The following ST3GAL4 variants were observed in gnomAD, a reference collection of about 807,000 sequenced individuals.
The protein encoded by ST3GAL4 is CMP-N-acetylneuraminate-beta-galactosamide-alpha-2,3-sialyltransferase 4.
ST3GAL4 carries 24 observed loss-of-function variants against 42.6 expected under a neutral mutation model. The observed-to-expected ratio is 0.56, with a 90% CI of 0.41 to 0.79. The LOEUF (loss-of-function observed/expected upper bound fraction) is 0.79. Among genes scored for constraint, ST3GAL4 ranks in the 30% least tolerant of loss-of-function variants. The pLI is 0.00. For synonymous variants in ST3GAL4, 135 were observed against 163.2 expected (o/e 0.83, Z 1.32); for missense variants, 311 against 430.8 (o/e 0.72, Z 2.46).
chr11:126,390,620 T>A (rs1376559004), intron 1 of ST3GAL4, among the ~76,000 whole-genome samples: 2 of 42,014 alleles, frequency 4.8e-5, no homozygotes, highest in Non-Finnish European at 1.1e-4. Context: ...GTTCTTTGCT[T>A]TTTTTTTTTT....
In ST3GAL4 at chr11:126,376,179, C is replaced by T. The variant is rs188967738; in HGVS notation, c.-61+20337C>T. Reference sequence around the variant, plus strand: ...TTCTATAGTAAGTTACTCCGATTGGCTTTTGGTATTAAAATGTCTTCAGTT... The same window carrying T: ...TTCTATAGTAAGTTACTCCGATTGGTTTTTGGTATTAAAATGTCTTCAGTT... On this transcript the variant is annotated intron_variant, in intron 1 of 10. Transcript: ENST00000444328. This position sits in a 1 kb window ranked among gnomAD's most constrained non-coding sequence, Gnocchi z 5.1. 6.6e-6 allele frequency among the ~76,000 whole-genome samples: 1 copy of T among 152,084 alleles called. No homozygotes were observed. Among genetic ancestry groups the T allele is most frequent in the Admixed American group, 6.6e-5 (1 of 15,264 alleles).
At chr11:126,364,539 G>C (rs1035820130) in intron 1 of ST3GAL4, among the ~76,000 whole-genome samples, 3 of 143,336 alleles carry the variant, frequency 2.1e-5, no homozygotes, top group African/African-American at 7.9e-5. Flanking sequence ...ACCTGTCTGG[G>C]GTGAGGTGAG....
At chr11:126,408,609 C>A in intron 8 of ST3GAL4, 113 bp downstream of exon 8, 1 of 1,302,332 alleles carries the variant, frequency 7.7e-7, no homozygotes, top group Non-Finnish European at 1.1e-6. Context: ...TGTGAGGGGA[C>A]AGCATGAACC....
chr11:126,382,881 G>A (rs1348702532), intron 1 of ST3GAL4, among the ~76,000 whole-genome samples: 1 of 152,260 alleles, frequency 6.6e-6, no homozygotes, highest in African/African-American at 2.4e-5. Flanking sequence ...TAAAGCCTCA[G>A]GGCTTGAGCC....
chr11:126,367,591 C>G (rs941596842), intron 1 of ST3GAL4, among the ~76,000 whole-genome samples: 2 of 152,186 alleles, frequency 1.3e-5, no homozygotes, highest in African/African-American at 2.4e-5. Flanking sequence ...CGTTACAAAC[C>G]AGGATGTGTT....
rs1027581539 is a variant in ST3GAL4, at chr11:126,397,399, T to A, written c.-60-8697T>A. ...AAAATGTCTCCAATCTCAGAGGTCA[T>A]GGGATAGTGGGCAAGACATGAAAAC... On this transcript the variant is annotated intron_variant, in intron 1 of 10. Transcript: ENST00000444328. The surrounding 1 kb of genome is among the most constrained non-coding windows in gnomAD (Gnocchi z 5.0). Among the ~76,000 whole-genome samples, 1 of 152,088 alleles carries A rather than the reference T, an allele frequency of 6.6e-6. No homozygotes were observed. The highest frequency in any genetic ancestry group is 2.4e-5 in the African/African-American group (1 of 41,340).
chr11:126,384,261 TGA>T lies in ST3GAL4; in HGVS notation c.-60-21833_-60-21832del, dbSNP rs1953129470. On this transcript the variant is annotated intron_variant, in intron 1 of 10. Transcript: ENST00000444328. This position sits in a 1 kb window ranked among gnomAD's most constrained non-coding sequence, Gnocchi z 5.5. ...AGGTGGGAGTACAAGGTCTGCCGAG[TGA>T]GGCAGAGGAAAGGGGTTTCTGAGCC... Among the ~76,000 whole-genome samples the T allele has an allele frequency of 6.6e-6, 1 of 152,064 alleles. No individual in the cohort carries two copies. The highest frequency in any genetic ancestry group is 1.5e-5 in the Non-Finnish European group (1 of 68,018).
In ST3GAL4 at chr11:126,391,967, GTGTGTA is replaced by G. The variant is rs59748700; in HGVS notation, c.-60-14123_-60-14118del. 0.012 allele frequency among the ~76,000 whole-genome samples: 1,840 copies of G among 149,932 alleles called. 21 individuals are homozygous for G. The highest frequency in any genetic ancestry group is 0.038 in the Middle Eastern group (11 of 290). ...TGTGTGTGTGTGTGTGTGTGTGTGT[GTGTGTA>G]TGTGTGTGTATGTGTATATATAAAA... On this transcript the variant is annotated intron_variant, in intron 1 of 10. Transcript: ENST00000444328. This position sits in a 1 kb window ranked among gnomAD's most constrained non-coding sequence, Gnocchi z 5.5.
chr11:126,364,026 T>G (rs1452424666), intron 1 of ST3GAL4, among the ~76,000 whole-genome samples: 5 of 152,208 alleles, frequency 3.3e-5, no homozygotes, highest in African/African-American at 9.6e-5. Flanking sequence ...CCCTGACCAC[T>G]CATTCAGCTG....
At position 126,384,795 on chromosome 11, in the gene ST3GAL4, C is replaced by G. The variant is rs1236073137; in HGVS notation, c.-60-21301C>G. 3.0e-6 allele frequency: 3 copies of G among 985,420 alleles called. No homozygotes were observed. Among genetic ancestry groups the G allele is most frequent in the Non-Finnish European group, 3.6e-6 (3 of 829,930 alleles). 61.0% of individuals were successfully genotyped at this position (985,420 alleles called of 1,614,324 possible). A position where few individuals can be genotyped will look rare whatever the true frequency, so the allele number is the denominator to read the frequency against. On this transcript the variant is annotated intron_variant, in intron 1 of 10. Transcript: ENST00000444328. This position sits in a 1 kb window ranked among gnomAD's most constrained non-coding sequence, Gnocchi z 5.5. ...GGACAGAGTGGGAGTGGCAGTGCCT[C>G]TGCCTGTCTCCCTGGCCGTGGCAGG... is the stretch of plus-strand genomic sequence containing the variant.
At chr11:126,368,914 A>G (rs1174167427) in intron 1 of ST3GAL4, among the ~76,000 whole-genome samples, 3 of 152,064 alleles carry the variant, frequency 2.0e-5, no homozygotes, top group Admixed American at 6.5e-5. Context: ...GAACGGTAAC[A>G]CACACACCCC....
chr11:126,374,418 TA>T (rs1451732399), intron 1 of ST3GAL4, among the ~76,000 whole-genome samples: 3 of 127,034 alleles, frequency 2.4e-5, no homozygotes, highest in African/African-American at 9.4e-5. Context: ...CACACCATTG[TA>T]CCCCAGCCTG....
At chr11:126,403,362 G>C in intron 1 of ST3GAL4, 1 of 981,780 alleles carries the variant, frequency 1.0e-6, no homozygotes, top group Non-Finnish European at 1.2e-6. Context: ...GCTCACCTCT[G>C]ACGCCAAAGG....
rs1953754058 is a variant in ST3GAL4 at position 126,396,267 on chromosome 11, AG to A, written c.-60-9827del. 6.6e-6 allele frequency among the ~76,000 whole-genome samples: 1 copy of A among 152,002 alleles called. No homozygotes were observed. Among genetic ancestry groups the A allele is most frequent in the Admixed American group, 6.6e-5 (1 of 15,262 alleles). ...ACACTGTGGAGACTGACTCCTGGACAGGCTGTGGAATGTGTGGAAGCAGGTA... is the reference window on the plus strand; with the variant it reads ...ACACTGTGGAGACTGACTCCTGGACAGCTGTGGAATGTGTGGAAGCAGGTA... On this transcript the variant is annotated intron_variant, in intron 1 of 10. Transcript: ENST00000444328. This position sits in a 1 kb window ranked among gnomAD's most constrained non-coding sequence, Gnocchi z 5.8.
At chr11:126,360,225 C>T (rs1383078048) in intron 1 of ST3GAL4, among the ~76,000 whole-genome samples, 3 of 152,188 alleles carry the variant, frequency 2.0e-5, no homozygotes, top group Non-Finnish European at 4.4e-5. Context: ...TGGGTTCCCA[C>T]TGGGTTCTGA....
chr11:126,406,702 T>G lies in ST3GAL4; in HGVS notation c.101+145T>G, dbSNP rs1954248404. ...CATCCCTTCAGCTGCTGGTACGGAG[T>G]GTTTCCATGAGGGTGGGTGGGGGTA... On this transcript the variant is annotated intron_variant, in intron 3 of 10. Transcript: ENST00000444328. The surrounding 1 kb of genome is among the most constrained non-coding windows in gnomAD (Gnocchi z 5.4). The G allele has an allele frequency of 8.8e-7, 1 of 1,141,846 alleles. No homozygotes were observed. The highest frequency in any genetic ancestry group is 1.2e-6 in the Non-Finnish European group (1 of 808,116). The allele number at this position is 1,141,846 out of a possible 1,614,324, so 70.7% of individuals were successfully genotyped here. A position where few individuals can be genotyped will look rare whatever the true frequency, so the allele number is the denominator to read the frequency against.
intron 1 of ST3GAL4, among the ~76,000 whole-genome samples, chr11:126,374,195 T>G (rs1445045422): frequency 1.3e-5 from 2 of 151,966 alleles, no homozygotes; most frequent in Non-Finnish European, 2.9e-5. Flanking sequence ...CTCACCCCTG[T>G]AATCCCAGCA....
chr11:126,371,079 T>A (rs1009167828), intron 1 of ST3GAL4, among the ~76,000 whole-genome samples: 1 of 151,850 alleles, frequency 6.6e-6, no homozygotes, highest in Non-Finnish European at 1.5e-5. Flanking sequence ...CCATATTAGA[T>A]ATTTTTTCCT....
rs147051433 is a variant in ST3GAL4 at position 126,391,936 on chromosome 11, C to CATGTGTGTGTGT, written c.-60-14160_-60-14159insATGTGTGTGTGT. ...CTCAGAACACCTGTGATAACTTGGT[C>CATGTGTGTGTGT]GTGTGTGTGTGTGTGTGTGTGTGTG... is the stretch of plus-strand genomic sequence containing the variant. On this transcript the variant is annotated intron_variant, in intron 1 of 10. Transcript: ENST00000444328. This position sits in a 1 kb window ranked among gnomAD's most constrained non-coding sequence, Gnocchi z 5.5. 9.6e-4 allele frequency among the ~76,000 whole-genome samples: 139 copies of CATGTGTGTGTGT among 144,478 alleles called. No individual in the cohort carries two copies. The highest frequency in any genetic ancestry group is 3.5e-3 in the African/African-American group (132 of 38,216). The allele number at this position is 144,478 out of a possible 152,430, so 94.8% of individuals were successfully genotyped here.
Sources: gnomAD v4.1 joint callset for allele counts (sites outside exome capture counted in the v4.1 genomes callset) on GRCh38, gnomAD v4.1.1 for gene constraint, Gnocchi (gnomAD v3.1) non-coding constraint, MANE v1.5 for transcripts, NCBI Gene and HGNC (gene_info 2026-07-23, HGNC 2026-07-21) for gene names.